The following FAM193A variants were observed in gnomAD, a reference collection of about 807,000 sequenced individuals.
The protein encoded by FAM193A is protein FAM193A.
A neutral mutation model predicts 126.5 loss-of-function variants in FAM193A; 22 were observed. That is an observed-to-expected ratio of 0.17 (90% CI 0.12 to 0.25). FAM193A has a LOEUF of 0.25. FAM193A is among the 10% of genes least tolerant of loss of function. The probability of loss-of-function intolerance (pLI) is 1.00; values close to 1 mark genes in which losing one functional copy is unlikely to be tolerated. For synonymous variants in FAM193A, 761 were observed against 646.8 expected, an observed-to-expected ratio of 1.18 and a Z score of -2.68; for missense variants, 1,675 against 1,672.8, an observed-to-expected ratio of 1.00 and a Z score of -0.02.
At chr4:2,593,949 T>C (rs1019309977) in intron 1 of FAM193A, among the ~76,000 whole-genome samples, 1 of 151,298 alleles carries the variant, frequency 6.6e-6, no homozygotes, top group East Asian at 1.9e-4. Flanking sequence ...TGGTACTCGG[T>C]GGTTTGAGTA....
At chr4:2,623,887 G>A in intron 2 of FAM193A, among the ~76,000 whole-genome samples, 1 of 152,136 alleles carries the variant, frequency 6.6e-6, no homozygotes, top group East Asian at 1.9e-4. Flanking sequence ...ATGCTGTGGG[G>A]GTCAGGGGGA....
chr4:2,605,792 C>T (rs553652445), intron 2 of FAM193A, among the ~76,000 whole-genome samples: 4 of 151,744 alleles, frequency 2.6e-5, no homozygotes, highest in African/African-American at 4.8e-5. Flanking sequence ...GCCAACATGG[C>T]GAAACCTCGT....
intron 1 of FAM193A, among the ~76,000 whole-genome samples, chr4:2,539,603 C>T (rs1461154688): frequency 6.6e-6 from 1 of 151,942 alleles, no homozygotes; most frequent in East Asian, 1.9e-4. Flanking sequence ...TACAGGGTCT[C>T]ACTATGTTAC....
intron 6 of FAM193A, among the ~76,000 whole-genome samples, chr4:2,643,518 A>AT (rs774159577): frequency 2.5e-4 from 35 of 140,854 alleles, no homozygotes; most frequent in Admixed American, 3.7e-4. Flanking sequence ...GTACTTTAAA[A>AT]TTTTTTCCTC....
intron 13 of FAM193A, among the ~76,000 whole-genome samples, chr4:2,678,080 C>A (rs1397835238): frequency 1.3e-5 from 2 of 152,066 alleles, no homozygotes; most frequent in Non-Finnish European, 2.9e-5. Flanking sequence ...TCACTGCAAC[C>A]TCCACCTCCT....
intron 5 of FAM193A, among the ~76,000 whole-genome samples, chr4:2,635,506 T>G (rs1744000518): frequency 6.6e-6 from 1 of 152,234 alleles, no homozygotes; most frequent in Non-Finnish European, 1.5e-5. Flanking sequence ...AATACACTTT[T>G]ACATTAGATA....
chr4:2,632,809 G>A (rs781356208), intron 5 of FAM193A, among the ~76,000 whole-genome samples: 8 of 152,182 alleles, frequency 5.3e-5, no homozygotes, highest in Middle Eastern at 3.4e-3. Flanking sequence ...CAGCCTCCCC[G>A]TCTCTACCTG....
At chr4:2,547,350 A>T (rs967237795) in intron 1 of FAM193A, among the ~76,000 whole-genome samples, 11 of 152,144 alleles carry the variant, frequency 7.2e-5, no homozygotes, top group African/African-American at 2.4e-4. Context: ...CCAAGATCAC[A>T]CTACTGCACT....
intron 8 of FAM193A, among the ~76,000 whole-genome samples, chr4:2,658,338 A>G (rs1028987679): frequency 6.6e-6 from 1 of 152,156 alleles, no homozygotes; most frequent in African/African-American, 2.4e-5. Flanking sequence ...TGCCTTCAAC[A>G]TGGCAGCTGG....
chr4:2,549,459 G>C (rs1737773581), intron 1 of FAM193A, among the ~76,000 whole-genome samples: 3 of 138,420 alleles, frequency 2.2e-5, no homozygotes, highest in Admixed American at 7.1e-5. Context: ...TGCAGTGGCG[G>C]GATCTCGGCT....
At chr4:2,564,540 C>G (rs1403959189) in intron 1 of FAM193A, among the ~76,000 whole-genome samples, 1 of 152,104 alleles carries the variant, frequency 6.6e-6, no homozygotes, top group Non-Finnish European at 1.5e-5. Context: ...AAAATAGCCA[C>G]CTACTATTTG....
intron 6 of FAM193A, 39 bp from the exon 7 acceptor site, chr4:2,646,646 T>G: frequency 6.4e-7 from 1 of 1,557,534 alleles, no homozygotes; most frequent in Non-Finnish European, 8.7e-7. Flanking sequence ...TCAGAGCCTT[T>G]GGGTTCTTTC....
At chr4:2,578,592 G>T (rs1027002565) in intron 1 of FAM193A, among the ~76,000 whole-genome samples, 1 of 151,966 alleles carries the variant, frequency 6.6e-6, no homozygotes. Context: ...TGAACGAAGG[G>T]GTTAGGGATG....
rs187673798 is a variant in FAM193A, at chr4:2,603,604, A to G, written c.501+7275A>G. On this transcript the variant is annotated intron_variant, in intron 2 of 20. Transcript: ENST00000637812. Reference sequence around the variant, plus strand: ...CCCAAGTAGCTGGGACTACGGGTGCATGCCACCACGCCTGACTAATTTTTT... The same window carrying G: ...CCCAAGTAGCTGGGACTACGGGTGCGTGCCACCACGCCTGACTAATTTTTT... Among the ~76,000 whole-genome samples the G allele has an allele frequency of 3.3e-3, 500 of 149,804 alleles. 3 individuals carry two copies. The highest frequency in any genetic ancestry group is 6.2e-3 in the Non-Finnish European group (416 of 67,404).
chr4:2,671,160 C>T (rs1382470693), intron 12 of FAM193A, among the ~76,000 whole-genome samples: 1 of 152,204 alleles, frequency 6.6e-6, no homozygotes, highest in East Asian at 1.9e-4. Flanking sequence ...CCCCTTCCTC[C>T]AGCCCGTGAG....
chr4:2,597,192 C>T (rs1740912078), intron 2 of FAM193A, among the ~76,000 whole-genome samples: 1 of 152,184 alleles, frequency 6.6e-6, no homozygotes, highest in Non-Finnish European at 1.5e-5. Flanking sequence ...CTCGGCCCCT[C>T]CCGCATGTCC....
chr4:2,576,756 T>C (rs1739611140), intron 1 of FAM193A, among the ~76,000 whole-genome samples: 1 of 152,238 alleles, frequency 6.6e-6, no homozygotes, highest in East Asian at 1.9e-4. Context: ...TCTATATATG[T>C]GTGTGCTTCT....
intron 1 of FAM193A, among the ~76,000 whole-genome samples, chr4:2,539,723 CATGACCCACTCTT>C (rs1327823851): frequency 6.6e-6 from 1 of 152,092 alleles, no homozygotes; most frequent in African/African-American, 2.4e-5. Context: ...GGTTTTTGAC[CATGACCCACTCTT>C]ATGACCCACT....
chr4:2,618,727 C>G (rs576656270), intron 2 of FAM193A, among the ~76,000 whole-genome samples: 29 of 151,732 alleles, frequency 1.9e-4, no homozygotes, highest in African/African-American at 7.0e-4. Context: ...TCCTGAGTAG[C>G]TGGGATTACA....
Sources: allele counts gnomAD v4.1 joint callset (sites outside exome capture counted in the v4.1 genomes callset), GRCh38; gene constraint gnomAD v4.1.1; transcripts MANE v1.5; gene names NCBI Gene and HGNC (gene_info 2026-07-23, HGNC 2026-07-21).